Variants in KIRREL3 observed in about 807,000 individuals in gnomAD.
The protein encoded by KIRREL3 is kin of IRRE-like protein 3.
In KIRREL3, 36 loss-of-function variants were observed where a neutral mutation model predicts 89.7. The observed-to-expected ratio is 0.40, with a 90% CI of 0.31 to 0.53. The LOEUF (loss-of-function observed/expected upper bound fraction) is 0.53. Among genes scored for constraint, KIRREL3 ranks in the 20% least tolerant of loss-of-function variants. The probability of loss-of-function intolerance (pLI) is 0.49; values close to 1 mark genes in which losing one functional copy is unlikely to be tolerated. For missense variants in KIRREL3, 864 were observed against 1,056.6 expected, an observed-to-expected ratio of 0.82 and a Z score of 2.53; for synonymous variants, 445 against 441.4, an observed-to-expected ratio of 1.01 and a Z score of -0.10.
chr11:126,487,535 G>C (rs369461756), intron 4 of KIRREL3, among the ~76,000 whole-genome samples: 13 of 152,316 alleles, frequency 8.5e-5, no homozygotes, highest in African/African-American at 3.1e-4. Context: ...CAGATCCACT[G>C]TTTGCCAGAA....
At chr11:126,617,141 G>C (rs1476597215) in intron 1 of KIRREL3, among the ~76,000 whole-genome samples, 1 of 152,212 alleles carries the variant, frequency 6.6e-6, no homozygotes, top group Non-Finnish European at 1.5e-5. Flanking sequence ...GATTCTAGTG[G>C]GCCTGTTAGC....
chr11:126,529,859 GTTTTT>G (rs60236598), intron 2 of KIRREL3, among the ~76,000 whole-genome samples: 2 of 141,066 alleles, frequency 1.4e-5, no homozygotes, highest in African/African-American at 5.2e-5. Flanking sequence ...AAACCAATGA[GTTTTT>G]TTTTTTTTTT....
Position 126,750,303 on chromosome 11 carries a change from G to A in KIRREL3, c.56-187391C>T, listed in dbSNP as rs927290405. 1.3e-5 allele frequency among the ~76,000 whole-genome samples: 2 copies of A among 152,130 alleles called. No individual in the cohort carries two copies. The highest frequency in any genetic ancestry group is 2.9e-5 in the Non-Finnish European group (2 of 68,030). ...TAGCCACCCCATTGAACACATTTCT[G>A]TTCCTTGAAGGTGGCATGAGGATGT... is the stretch of plus-strand genomic sequence containing the variant. On this transcript the variant is annotated intron_variant, in intron 1 of 16. Transcript: ENST00000525144. This position sits in a 1 kb window ranked among gnomAD's most constrained non-coding sequence, Gnocchi z 4.2.
Position 126,923,188 on chromosome 11 carries a change from T to TTCTCTTCTTCTTCTTCTA in KIRREL3, c.55+77266_55+77267insTAGAAGAAGAAGAAGAGA, listed in dbSNP as rs1555090326. The stretch of plus-strand genomic sequence containing the variant: ...TCTTCTTCTTCTTCTCTTCTTCTTC[T>TTCTCTTCTTCTTCTTCTA]CTTCTTCTTCTTCTTCTTCTTCTTC... On this transcript the variant is annotated intron_variant, in intron 1 of 16. Transcript: ENST00000525144. Among the ~76,000 whole-genome samples the TTCTCTTCTTCTTCTTCTA allele has an allele frequency of 2.8e-3, 31 of 10,952 alleles. 6 individuals are homozygous for TTCTCTTCTTCTTCTTCTA. Among genetic ancestry groups the TTCTCTTCTTCTTCTTCTA allele is most frequent in the African/African-American group, 0.018 (18 of 1,026 alleles). 7.2% of individuals were successfully genotyped at this position (10,952 alleles called of 152,430 possible). A position where few individuals can be genotyped will look rare whatever the true frequency, so the allele number is the denominator to read the frequency against.
rs765760635 is a variant in KIRREL3, at chr11:126,666,031, T to C, written c.56-103119A>G. ...ATTAATGAATCAGAAAGCCTGGAACTATGATCTGGACCTTTTTATTTTGAA... is the reference window on the plus strand; with the variant it reads ...ATTAATGAATCAGAAAGCCTGGAACCATGATCTGGACCTTTTTATTTTGAA... On this transcript the variant is annotated intron_variant, in intron 1 of 16. Transcript: ENST00000525144. This position sits in a 1 kb window ranked among gnomAD's most constrained non-coding sequence, Gnocchi z 4.2. 2.2e-4 allele frequency among the ~76,000 whole-genome samples: 34 copies of C among 152,234 alleles called. No individual in the cohort carries two copies. Among genetic ancestry groups the C allele is most frequent in the African/African-American group, 7.7e-4 (32 of 41,464 alleles).
intron 5 of KIRREL3, among the ~76,000 whole-genome samples, chr11:126,464,795 C>T (rs1385196916): frequency 6.6e-6 from 1 of 152,158 alleles, no homozygotes; most frequent in Non-Finnish European, 1.5e-5. Flanking sequence ...TGATTCCAGA[C>T]TTGTTGGCTT....
chr11:126,790,405 T>A lies in KIRREL3; in HGVS notation c.55+210050A>T, dbSNP rs117769231. Among the ~76,000 whole-genome samples the A allele has an allele frequency of 3.5e-4, 53 of 152,342 alleles. 1 individual carries two copies. The East Asian group carries it at 9.6e-3, about 28-fold the overall frequency. ...AGAGGCTCTCCCCTGGTTAGCTTGA[T>A]GACATTGGTCATCGAAGTTAACCTT... On this transcript the variant is annotated intron_variant, in intron 1 of 16. Coordinates refer to ENST00000525144, the MANE Select transcript of KIRREL3 (RefSeq NM_032531.4).
chr11:126,585,270 G>C (rs953983876), intron 1 of KIRREL3, among the ~76,000 whole-genome samples: 4 of 122,328 alleles, frequency 3.3e-5, no homozygotes, highest in Non-Finnish European at 6.5e-5. Context: ...CTGTTAGCCA[G>C]GCTGGGGTGC....
rs1209197421 is a variant in KIRREL3 at position 126,471,369 on chromosome 11, T to C, written c.591+1940A>G. ...TGGGCAACAAGAGTGAAACTCTGTCTCAAAATAAATAAATAAATAAATAAA... is the reference window on the plus strand; with the variant it reads ...TGGGCAACAAGAGTGAAACTCTGTCCCAAAATAAATAAATAAATAAATAAA... On this transcript the variant is annotated intron_variant, in intron 5 of 16. Transcript: ENST00000525144. This position sits in a 1 kb window ranked among gnomAD's most constrained non-coding sequence, Gnocchi z 5.4. Among the ~76,000 whole-genome samples, 1 of 103,150 alleles carries C rather than the reference T, an allele frequency of 9.7e-6. No homozygotes were observed. The highest frequency in any genetic ancestry group is 3.1e-5 in the African/African-American group (1 of 31,846). 67.7% of individuals were successfully genotyped at this position (103,150 alleles called of 152,430 possible). A position where few individuals can be genotyped will look rare whatever the true frequency, so the allele number is the denominator to read the frequency against.
chr11:126,725,342 A>AG (rs1333730440), intron 1 of KIRREL3, among the ~76,000 whole-genome samples: 6 of 34,908 alleles, frequency 1.7e-4, no homozygotes, highest in Non-Finnish European at 4.1e-4. Context: ...GAGCGATCAA[A>AG]GCAAAAAAAA....
Position 126,761,089 on chromosome 11 carries a change from G to A in KIRREL3, c.56-198177C>T, listed in dbSNP as rs949377329. Reference sequence around the variant, plus strand: ...GGACCATGGAGGATATATGGAATGGGTGTGGAGGTGGCTCACTTCCTCCTG... The same window carrying A: ...GGACCATGGAGGATATATGGAATGGATGTGGAGGTGGCTCACTTCCTCCTG... On this transcript the variant is annotated intron_variant, in intron 1 of 16. Transcript: ENST00000525144. This position sits in a 1 kb window ranked among gnomAD's most constrained non-coding sequence, Gnocchi z 4.4. Among the ~76,000 whole-genome samples the A allele has an allele frequency of 6.6e-6, 1 of 152,212 alleles. No individual in the cohort carries two copies. The highest frequency in any genetic ancestry group is 1.5e-5 in the Non-Finnish European group (1 of 68,036).
At chr11:126,590,112 G>A (rs574652765) in intron 1 of KIRREL3, among the ~76,000 whole-genome samples, 1 of 152,194 alleles carries the variant, frequency 6.6e-6, no homozygotes, top group Non-Finnish European at 1.5e-5. Context: ...GATTCTGAGG[G>A]CTGCATACCT....
intron 4 of KIRREL3, among the ~76,000 whole-genome samples, chr11:126,505,219 C>A (rs1957982744): frequency 6.6e-6 from 1 of 152,200 alleles, no homozygotes; most frequent in Admixed American, 6.5e-5. Flanking sequence ...TCTTCACAGA[C>A]AAAATGCTCC....
At chr11:126,947,376 A>C (rs1452986860) in intron 1 of KIRREL3, among the ~76,000 whole-genome samples, 1 of 152,170 alleles carries the variant, frequency 6.6e-6, no homozygotes, top group Non-Finnish European at 1.5e-5. Flanking sequence ...CCAGAGAAGC[A>C]AACTGTGAAC....
chr11:126,962,546 G>A lies in KIRREL3; in HGVS notation c.55+37909C>T, dbSNP rs572128988. Among the ~76,000 whole-genome samples the A allele has an allele frequency of 5.9e-5, 9 of 152,272 alleles. No individual in the cohort carries two copies. The South Asian group carries it at 1.9e-3, about 32-fold the overall frequency. ...TGAGCGAAGAAAGTGGTTTCTTGAG[G>A]TGAAATGTACTCTCAGTGCAGATGC... On this transcript the variant is annotated intron_variant, in intron 1 of 16. Coordinates refer to ENST00000525144, the MANE Select transcript of KIRREL3 (RefSeq NM_032531.4).
chr11:126,450,354 T>TGG (rs1349323978), intron 7 of KIRREL3, among the ~76,000 whole-genome samples: 4 of 150,898 alleles, frequency 2.7e-5, no homozygotes, highest in Non-Finnish European at 5.9e-5. Flanking sequence ...TGTGTCCATG[T>TGG]GCATGTGTGC....
In KIRREL3 at chr11:126,475,433, C is replaced by T. The variant is rs1226418855; in HGVS notation, c.434-1967G>A. Reference sequence around the variant, plus strand: ...AAGAAGCAAACCTTCAGAACAGCTGCCTTGCCCTCCCTGCCCGGCCTTGGA... The same window carrying T: ...AAGAAGCAAACCTTCAGAACAGCTGTCTTGCCCTCCCTGCCCGGCCTTGGA... On this transcript the variant is annotated intron_variant, in intron 4 of 16. Transcript: ENST00000525144. The surrounding 1 kb of genome is among the most constrained non-coding windows in gnomAD (Gnocchi z 7.5). Among the ~76,000 whole-genome samples, 1 of 152,224 alleles carries T rather than the reference C, an allele frequency of 6.6e-6. No individual in the cohort carries two copies. The highest frequency in any genetic ancestry group is 1.9e-4 in the East Asian group (1 of 5,190).
rs1156749514 is a variant in KIRREL3 at position 126,620,148 on chromosome 11, C to T, written c.56-57236G>A. 1.3e-5 allele frequency among the ~76,000 whole-genome samples: 2 copies of T among 152,068 alleles called. No individual in the cohort carries two copies. The highest frequency in any genetic ancestry group is 2.9e-5 in the Non-Finnish European group (2 of 68,016). ...TGGTCTTATAACACTTGACCAAAAA[C>T]CAAACAACAAAAACAAGGCTACTTT... On this transcript the variant is annotated intron_variant, in intron 1 of 16. Transcript: ENST00000525144. This position sits in a 1 kb window ranked among gnomAD's most constrained non-coding sequence, Gnocchi z 4.8.
intron 1 of KIRREL3, among the ~76,000 whole-genome samples, chr11:126,986,697 T>C (rs954702317): frequency 7.9e-5 from 12 of 152,264 alleles, no homozygotes; most frequent in Non-Finnish European, 1.3e-4. Context: ...ATAGCTGCTG[T>C]GTTCCACATC....
Sources: allele counts gnomAD v4.1 joint callset (sites outside exome capture counted in the v4.1 genomes callset), GRCh38; gene constraint gnomAD v4.1.1; non-coding constraint Gnocchi (gnomAD v3.1); transcripts MANE v1.5; gene names NCBI Gene and HGNC (gene_info 2026-07-23, HGNC 2026-07-21).